Variants in DIS3L2 observed in about 807,000 individuals in gnomAD.
DIS3L2 encodes DIS3-like exonuclease 2.
Under a neutral mutation model 97.5 loss-of-function variants are expected in DIS3L2, and 34 were observed. The ratio of observed to expected loss-of-function variants is 0.35; its 90% CI spans 0.27 to 0.46. The LOEUF is 0.46. Among genes scored for constraint, DIS3L2 ranks in the 20% least tolerant of loss-of-function variants. The probability of loss-of-function intolerance (pLI) is 1.00; values close to 1 mark genes in which losing one functional copy is unlikely to be tolerated. For synonymous variants in DIS3L2, 435 were observed against 445.2 expected, an observed-to-expected ratio of 0.98 and a Z score of 0.29; for missense variants, 1,038 against 1,146.0, an observed-to-expected ratio of 0.91 and a Z score of 1.36.
intron 5 of DIS3L2, among the ~76,000 whole-genome samples, chr2:232,072,002 T>G (rs1445252608): frequency 2.0e-5 from 3 of 152,106 alleles, no homozygotes; most frequent in Non-Finnish European, 1.5e-5. Flanking sequence ...AAGGATTTGG[T>G]GACTGGTATG....
At chr2:232,157,854 G>C (rs1690538856) in intron 8 of DIS3L2, among the ~76,000 whole-genome samples, 1 of 152,150 alleles carries the variant, frequency 6.6e-6, no homozygotes, top group Non-Finnish European at 1.5e-5. Context: ...TATGTCCCTT[G>C]AGCAAGCACT....
intron 8 of DIS3L2, among the ~76,000 whole-genome samples, chr2:232,144,663 T>A (rs1483077427): frequency 6.6e-6 from 1 of 152,152 alleles, no homozygotes; most frequent in South Asian, 2.1e-4. Flanking sequence ...ACTCAGATTT[T>A]ATCACTATTT....
Position 232,329,909 on chromosome 2 carries a change from G to C in DIS3L2, c.1836G>C (p.Pro612=), listed in dbSNP as rs202227137. The stretch of plus-strand genomic sequence containing the variant: ...AGGCCCTGCTGCGCCGGCACCCCCC[G>C]CCCCAAACAAGGATGCTCAGTGACC... The part of the protein sequence containing the change: ...PEQALLRRHP[P]PQTRMLSDLV... The change falls in exon 15 of 21, where the codon CCG becomes CCC. Residue 612 remains proline (P), a synonymous_variant. Transcript: ENST00000325385. 5.0e-6 allele frequency: 8 copies of C among 1,607,572 alleles called. No homozygotes were observed. The highest frequency in any genetic ancestry group is 6.8e-6 in the Non-Finnish European group (8 of 1,177,458).
At chr2:232,156,780 C>G (rs1435981236) in intron 8 of DIS3L2, among the ~76,000 whole-genome samples, 1 of 152,130 alleles carries the variant, frequency 6.6e-6, no homozygotes, top group Non-Finnish European at 1.5e-5. Flanking sequence ...CTGAGACTCC[C>G]ACCACATAGA....
At chr2:231,979,899 C>CT (rs1423166901) in intron 1 of DIS3L2, among the ~76,000 whole-genome samples, 1 of 152,064 alleles carries the variant, frequency 6.6e-6, no homozygotes, top group Non-Finnish European at 1.5e-5. Flanking sequence ...TAGTAAGAAT[C>CT]TAACTTTTCT....
intron 5 of DIS3L2, among the ~76,000 whole-genome samples, chr2:232,073,134 T>G (rs1194679976): frequency 6.6e-6 from 1 of 152,224 alleles, no homozygotes; most frequent in Non-Finnish European, 1.5e-5. Context: ...ATCAGTTGCT[T>G]TTCTTGGCTT....
chr2:232,054,268 A>G (rs142698526), intron 5 of DIS3L2, among the ~76,000 whole-genome samples: 10 of 152,350 alleles, frequency 6.6e-5, no homozygotes. Flanking sequence ...AGAACATATC[A>G]TTGAATATAA....
intron 4 of DIS3L2, among the ~76,000 whole-genome samples, chr2:232,029,125 TTGAG>T (rs1393926350): frequency 6.6e-6 from 1 of 152,164 alleles, no homozygotes. Flanking sequence ...TTAGAAAAAT[TTGAG>T]TGATGATGTT....
intron 5 of DIS3L2, among the ~76,000 whole-genome samples, chr2:232,052,283 C>T (rs1424168864): frequency 1.3e-5 from 2 of 152,184 alleles, no homozygotes; most frequent in African/African-American, 4.8e-5. Context: ...CTCGGCTTCC[C>T]AAAATGTTGG....
chr2:232,136,308 A>C (rs1698356582), intron 7 of DIS3L2, among the ~76,000 whole-genome samples, 164 bp from the exon 8 acceptor site: 1 of 152,176 alleles, frequency 6.6e-6, no homozygotes, highest in Non-Finnish European at 1.5e-5. Context: ...CTTACAACTT[A>C]AATATAGATT....
At chr2:232,125,850 CT>C (rs1345396911) in intron 6 of DIS3L2, among the ~76,000 whole-genome samples, 1 of 152,146 alleles carries the variant, frequency 6.6e-6, no homozygotes, top group African/African-American at 2.4e-5. Flanking sequence ...CCTGTGAGGA[CT>C]TGTGTTTTCA....
intron 10 of DIS3L2, among the ~76,000 whole-genome samples, chr2:232,230,225 G>A (rs1251620668): frequency 6.6e-6 from 1 of 152,192 alleles, no homozygotes; most frequent in Non-Finnish European, 1.5e-5. Flanking sequence ...CTTATCCCAA[G>A]TAAAAGGTGG....
At chr2:232,103,328 C>T (rs1697258969) in intron 6 of DIS3L2, among the ~76,000 whole-genome samples, 2 of 152,036 alleles carry the variant, frequency 1.3e-5, no homozygotes, top group Admixed American at 1.3e-4. Flanking sequence ...GGGAATGCTT[C>T]CAATATTAAA....
At chr2:232,057,675 T>C (rs1695585829) in intron 5 of DIS3L2, among the ~76,000 whole-genome samples, 1 of 152,128 alleles carries the variant, frequency 6.6e-6, no homozygotes, top group Non-Finnish European at 1.5e-5. Context: ...ACAAACATCT[T>C]GATTACAGCC....
chr2:232,052,029 C>CT (rs879827503), intron 5 of DIS3L2, among the ~76,000 whole-genome samples: 1,561 of 141,900 alleles, frequency 0.011, 13 homozygotes, highest in East Asian at 0.048. Flanking sequence ...TCTTAATTTC[C>CT]TTTTTTTTTT....
chr2:232,228,331 C>G (rs181714952), intron 10 of DIS3L2, among the ~76,000 whole-genome samples: 1 of 152,268 alleles, frequency 6.6e-6, no homozygotes, highest in Admixed American at 6.5e-5. Flanking sequence ...GTTTTTAGAC[C>G]TAGACCTGGG....
chr2:232,314,579 A>AG (rs144675220), intron 14 of DIS3L2, among the ~76,000 whole-genome samples: 1,720 of 152,334 alleles, frequency 0.011, 31 homozygotes, highest in African/African-American at 0.038. Flanking sequence ...CTAGAACACC[A>AG]GGAACTCTCA....
intron 9 of DIS3L2, among the ~76,000 whole-genome samples, chr2:232,182,839 A>T (rs1691330306): frequency 6.6e-6 from 1 of 152,204 alleles, no homozygotes; most frequent in Admixed American, 6.5e-5. Flanking sequence ...ATAATGTGGC[A>T]GCTCTGGAAA....
At position 231,976,129 on chromosome 2, in the gene DIS3L2, T is replaced by C. The variant is rs149997175; in HGVS notation, c.-94+14364T>C. Among the ~76,000 whole-genome samples the C allele has an allele frequency of 2.7e-3, 414 of 152,306 alleles. 2 individuals carry two copies. The highest frequency in any genetic ancestry group is 9.1e-3 in the African/African-American group (380 of 41,568). On this transcript the variant is annotated intron_variant, in intron 1 of 20. Coordinates refer to ENST00000325385, the MANE Select transcript of DIS3L2 (RefSeq NM_152383.5). ...TTTTAGGGGTACAAGAGGCTTTCTT[T>C]ACATGGATGAATTGCATAGTGGCGA...
Sources: allele counts gnomAD v4.1 joint callset (sites outside exome capture counted in the v4.1 genomes callset), GRCh38; gene constraint gnomAD v4.1.1; transcripts MANE v1.5; gene names NCBI Gene and HGNC (gene_info 2026-07-23, HGNC 2026-07-21).